The following CPM variants were observed in gnomAD, a reference collection of about 807,000 sequenced individuals.
CPM encodes the protein renal carboxypeptidase.
A neutral mutation model predicts 46.4 loss-of-function variants in CPM; 35 were observed. That is an observed-to-expected ratio of 0.75 (90% CI 0.58 to 1.00). The LOEUF (loss-of-function observed/expected upper bound fraction) is 1.00. CPM is among the 50% of genes least tolerant of loss of function. The probability of loss-of-function intolerance (pLI) is 0.00; values close to 1 mark genes in which losing one functional copy is unlikely to be tolerated. For missense variants in CPM, 422 were observed against 530.4 expected, an observed-to-expected ratio of 0.80 and a Z score of 2.01; for synonymous variants, 195 against 195.3, an observed-to-expected ratio of 1.00 and a Z score of 0.01.
At chr12:68,958,160 A>G (rs1426893478) in intron 1 of CPM, among the ~76,000 whole-genome samples, 6 of 152,148 alleles carry the variant, frequency 3.9e-5, no homozygotes, top group Non-Finnish European at 5.9e-5. Flanking sequence ...ATATGTGTGC[A>G]TGTGTCTTTA....
At chr12:68,961,042 T>G (rs1889103184) in intron 1 of CPM, among the ~76,000 whole-genome samples, 1 of 152,236 alleles carries the variant, frequency 6.6e-6, no homozygotes, top group Admixed American at 6.5e-5. Flanking sequence ...GTCCACTTAC[T>G]GGTTGTTACC....
chr12:68,951,336 C>T (rs149251019), intron 1 of CPM, among the ~76,000 whole-genome samples: 111 of 152,294 alleles, frequency 7.3e-4, no homozygotes, highest in African/African-American at 2.5e-3. Context: ...ATATCCCTGA[C>T]CTGATCATGC....
chr12:68,871,796 T>C lies in CPM; in HGVS notation c.419A>G (p.Tyr140Cys). ...AGCCCCTCTTTACCTTCCGATGCTG[T>C]AATAACAGTCAGGCTTTTTGACGGC... The part of the protein sequence containing the change: ...FEAVKKPDCY[Y>C]SIGRENYNQY... The change falls in exon 4 of 9, where the codon TAC becomes TGC. Residue 140 changes from tyrosine to cysteine, a missense_variant. Transcript: ENST00000551568. The C allele has an allele frequency of 1.2e-6, 2 of 1,614,148 alleles. No homozygotes were observed. The highest frequency in any genetic ancestry group is 1.7e-6 in the Non-Finnish European group (2 of 1,180,014).
chr12:68,903,685 T>A (rs1887210493), intron 2 of CPM, among the ~76,000 whole-genome samples: 2 of 152,218 alleles, frequency 1.3e-5, no homozygotes, highest in African/African-American at 2.4e-5. Context: ...ACAAAGGACA[T>A]GAGGCACATT....
At chr12:68,850,628 C>G (rs910476435), downstream of CPM, 5 of 152,168 alleles carry the variant, frequency 3.3e-5, no homozygotes, top group Non-Finnish European at 5.9e-5. Flanking sequence ...TTGTTTACCA[C>G]TGTTCTCTGT....
chr12:68,914,579 T>A (rs1887730839), intron 2 of CPM, among the ~76,000 whole-genome samples: 1 of 152,250 alleles, frequency 6.6e-6, no homozygotes, highest in Non-Finnish European at 1.5e-5. Flanking sequence ...TCCAAAATTA[T>A]GTTTAAATCT....
At chr12:68,955,058 G>A (rs1297317668) in intron 1 of CPM, among the ~76,000 whole-genome samples, 1 of 152,164 alleles carries the variant, frequency 6.6e-6, no homozygotes, top group African/African-American at 2.4e-5. Context: ...CACACCCCTT[G>A]CTGCTCCACA....
chr12:68,919,968 C>A (rs76466760), intron 2 of CPM, among the ~76,000 whole-genome samples: 12 of 152,122 alleles, frequency 7.9e-5, no homozygotes, highest in Non-Finnish European at 1.8e-4. Flanking sequence ...TGGTGGGAGA[C>A]GTTTGGGTCA....
At chr12:68,846,389 A>G (rs1884300226), downstream of CPM, 1 of 152,204 alleles carries the variant, frequency 6.6e-6, no homozygotes, top group African/African-American at 2.4e-5. Flanking sequence ...GCCAAGCCCA[A>G]AATTTCACCT....
intron 3 of CPM, among the ~76,000 whole-genome samples, chr12:68,878,782 T>A (rs778076282): frequency 6.6e-6 from 1 of 152,240 alleles, no homozygotes; most frequent in Non-Finnish European, 1.5e-5. Flanking sequence ...AATGAACCTG[T>A]TGGGCAGTTA....
chr12:68,919,825 G>C (rs1887960640), intron 2 of CPM, among the ~76,000 whole-genome samples: 1 of 152,186 alleles, frequency 6.6e-6, no homozygotes, highest in South Asian at 2.1e-4. Flanking sequence ...TTACGTGTCT[G>C]CCCCAATTGA....
At chr12:68,859,883 C>A (rs1452487725) in intron 7 of CPM, among the ~76,000 whole-genome samples, 1 of 152,152 alleles carries the variant, frequency 6.6e-6, no homozygotes, top group South Asian at 2.1e-4. Flanking sequence ...CGTGTCACAT[C>A]TAGTTTGTTT....
chr12:68,842,516 T>C (rs1469415303), intron 5 of CPM: 1 of 377,968 alleles, frequency 2.6e-6, no homozygotes, highest in African/African-American at 2.2e-5. Context: ...CAAAATCATC[T>C]ACATTGCTGT....
At chr12:68,906,251 C>T (rs1016482683) in intron 2 of CPM, among the ~76,000 whole-genome samples, 8 of 152,128 alleles carry the variant, frequency 5.3e-5, no homozygotes, top group African/African-American at 1.7e-4. Flanking sequence ...GCAGAATTAC[C>T]TGAGGTATTT....
At chr12:68,906,187 A>T (rs1887339208) in intron 2 of CPM, among the ~76,000 whole-genome samples, 1 of 152,130 alleles carries the variant, frequency 6.6e-6, no homozygotes, top group Non-Finnish European at 1.5e-5. Context: ...TCAACAGCAG[A>T]CCAGGTCTGC....
At chr12:68,959,178 G>A (rs73148637) in intron 1 of CPM, among the ~76,000 whole-genome samples, 1 of 152,070 alleles carries the variant, frequency 6.6e-6, no homozygotes, top group Non-Finnish European at 1.5e-5. Flanking sequence ...TGGTCATCCC[G>A]TTCAGTGTTG....
upstream of CPM, among the ~76,000 whole-genome samples, chr12:68,934,975 T>C (rs548215507): frequency 1.8e-4 from 27 of 152,298 alleles, no homozygotes; most frequent in Admixed American, 1.7e-3. Flanking sequence ...TGCAATGGCA[T>C]GATCTCGGCT....
At chr12:68,895,518 T>C (rs568185868) in intron 2 of CPM, among the ~76,000 whole-genome samples, 2 of 152,302 alleles carry the variant, frequency 1.3e-5, no homozygotes, top group South Asian at 4.1e-4. Context: ...TGCAGTACAG[T>C]CCAGCCCTTT....
chr12:68,871,593 C>A (rs1174452071), intron 4 of CPM, 191 bp downstream of exon 4: 3 of 613,314 alleles, frequency 4.9e-6, no homozygotes, highest in Non-Finnish European at 8.5e-6. Context: ...GGCAAAGTAG[C>A]CTTATTTGCA....
Sources: allele counts gnomAD v4.1 joint callset (sites outside exome capture counted in the v4.1 genomes callset), GRCh38; gene constraint gnomAD v4.1.1; transcripts MANE v1.5; gene names NCBI Gene and HGNC (gene_info 2026-07-23, HGNC 2026-07-21).